TTBK2: variants seen among roughly 807,000 people sequenced by gnomAD.
TTBK2 encodes tau tubulin kinase 2.
In TTBK2, 28 loss-of-function variants were observed where a neutral mutation model predicts 110.8. The observed-to-expected ratio is 0.25, with a 90% CI of 0.19 to 0.35. The LOEUF (loss-of-function observed/expected upper bound fraction) is 0.35. TTBK2 is among the 10% of genes least tolerant of loss of function. The pLI is 1.00. For synonymous variants in TTBK2, 532 were observed against 527.3 expected, an observed-to-expected ratio of 1.01 and a Z score of -0.12; for missense variants, 1,369 against 1,500.3, an observed-to-expected ratio of 0.91 and a Z score of 1.45.
chr15:42,846,574 T>C lies in TTBK2; in HGVS notation c.218-6141A>G, dbSNP rs920389497. On this transcript the variant is annotated intron_variant, in intron 3 of 14. Coordinates refer to ENST00000267890, the MANE Select transcript of TTBK2 (RefSeq NM_173500.4). ...CACTGACAGGAACAACCAACTATAA[T>C]ATGAAATATATTTAGTCTCTGTCCC... Among the ~76,000 whole-genome samples the C allele has an allele frequency of 2.6e-5, 4 of 152,222 alleles. No individual in the cohort carries two copies. The South Asian group carries it at 6.2e-4, about 24-fold the overall frequency.
At chr15:42,892,942 C>T (rs1488851390) in intron 1 of TTBK2, among the ~76,000 whole-genome samples, 1 of 143,686 alleles carries the variant, frequency 7.0e-6, no homozygotes, top group Non-Finnish European at 1.5e-5. Flanking sequence ...ACCCGGGAGG[C>T]GGAGTATGCA....
intron 1 of TTBK2, among the ~76,000 whole-genome samples, chr15:42,897,171 C>G (rs1340875272): frequency 6.6e-6 from 1 of 152,130 alleles, no homozygotes; most frequent in Non-Finnish European, 1.5e-5. Context: ...GCCACTGCAC[C>G]TGGCCACTTT....
chr15:42,895,206 C>A (rs532973806), intron 1 of TTBK2, among the ~76,000 whole-genome samples: 1 of 152,184 alleles, frequency 6.6e-6, no homozygotes, highest in African/African-American at 2.4e-5. Context: ...TACCCAAAAT[C>A]TTTATTAAAA....
intron 14 of TTBK2, among the ~76,000 whole-genome samples, chr15:42,747,143 T>C (rs2061804169): frequency 6.6e-6 from 1 of 152,050 alleles, no homozygotes; most frequent in Admixed American, 6.6e-5. Flanking sequence ...CTAATTTTTA[T>C]ATTTTGTGTA....
chr15:42,795,491 T>G (rs1290409418), intron 9 of TTBK2, among the ~76,000 whole-genome samples: 4 of 152,134 alleles, frequency 2.6e-5, no homozygotes, highest in African/African-American at 9.7e-5. Flanking sequence ...AATTTTATGA[T>G]TATAGCTTTA....
intron 9 of TTBK2, chr15:42,795,008 TTC>T: frequency 9.1e-6 from 6 of 661,044 alleles, no homozygotes; most frequent in East Asian, 2.9e-5. Flanking sequence ...TGTAGAATGT[TTC>T]TGTTTTCGAG....
At chr15:42,764,847 C>G (rs891106503) in intron 13 of TTBK2, among the ~76,000 whole-genome samples, 3 of 152,264 alleles carry the variant, frequency 2.0e-5, no homozygotes, top group Non-Finnish European at 2.9e-5. Context: ...TGGGAGACAC[C>G]TCCCAGTAGG....
rs527437300 is a variant in TTBK2 at position 42,815,889 on chromosome 15, TAA to T, written c.603+1141_603+1142del. The stretch of plus-strand genomic sequence containing the variant: ...ATATATATTTAAATATATATATATT[TAA>T]AAATATATATATATATTTAAAAATA... On this transcript the variant is annotated intron_variant, in intron 7 of 14. Transcript: ENST00000267890. Among the ~76,000 whole-genome samples the T allele has an allele frequency of 6.2e-4, 63 of 100,896 alleles. No individual in the cohort carries two copies. In the South Asian group the frequency reaches 0.015, roughly 25 times the overall value. The allele number at this position is 100,896 out of a possible 152,430, so 66.2% of individuals were successfully genotyped here.
intron 1 of TTBK2, among the ~76,000 whole-genome samples, chr15:42,880,122 T>C (rs1407723407): frequency 1.3e-5 from 2 of 152,044 alleles, no homozygotes; most frequent in Non-Finnish European, 2.9e-5. Context: ...GTTTTACATA[T>C]GATTAAAAAA....
rs369085794 is a variant in TTBK2, at chr15:42,783,614, G to C, written c.1002C>G (p.Ile334Met). ...AAIGIANATP[I>M]PGDLLRENTD... ...TATTTTCTCGAAGCAAGTCTCCAGGGATGGGAGTAGCATTGGCAATTCTAC... is the reference window on the plus strand; with the variant it reads ...TATTTTCTCGAAGCAAGTCTCCAGGCATGGGAGTAGCATTGGCAATTCTAC... Residue 334 changes from isoleucine (I) to methionine (M), a missense_variant, in exon 11 of 15, where the codon ATC becomes ATG. Ile to Met is a conservative substitution (Grantham distance 10). Coordinates refer to ENST00000267890, the MANE Select transcript of TTBK2 (RefSeq NM_173500.4). The C allele has an allele frequency of 2.5e-6, 4 of 1,613,956 alleles. No individual in the cohort carries two copies. Among genetic ancestry groups the C allele is most frequent in the Non-Finnish European group, 3.4e-6 (4 of 1,180,008 alleles).
At chr15:42,887,932 G>T (rs1184501136) in intron 1 of TTBK2, among the ~76,000 whole-genome samples, 1 of 116,594 alleles carries the variant, frequency 8.6e-6, no homozygotes, top group South Asian at 2.7e-4. Context: ...GAAAACACAC[G>T]TGCTCTCCCG....
intron 3 of TTBK2, among the ~76,000 whole-genome samples, chr15:42,860,848 C>T (rs1010097164): frequency 6.6e-6 from 1 of 151,766 alleles, no homozygotes; most frequent in Non-Finnish European, 1.5e-5. Flanking sequence ...GGGGTTTCAC[C>T]ACGTTGGCCA....
At position 42,794,457 on chromosome 15, in the gene TTBK2, T is replaced by A. The variant is rs149078560; in HGVS notation, c.980+187A>T. ...TCTAAGCTCCCATTTCACAGTATAATCTATTAGTACTATCTAAAGCAAGTA... is the reference window on the plus strand; with the variant it reads ...TCTAAGCTCCCATTTCACAGTATAAACTATTAGTACTATCTAAAGCAAGTA... On this transcript the variant is annotated intron_variant, in intron 10 of 14. Coordinates refer to ENST00000267890, the MANE Select transcript of TTBK2 (RefSeq NM_173500.4). Among the ~76,000 whole-genome samples the A allele has an allele frequency of 5.4e-3, 829 of 152,300 alleles. 9 individuals are homozygous for A. Among genetic ancestry groups the A allele is most frequent in the African/African-American group, 0.019 (798 of 41,578 alleles).
chr15:42,897,509 T>C (rs1895712685), intron 1 of TTBK2, among the ~76,000 whole-genome samples: 1 of 150,498 alleles, frequency 6.6e-6, no homozygotes, highest in African/African-American at 2.4e-5. Flanking sequence ...TTAGACAGGG[T>C]GGGAAAAAGA....
At chr15:42,837,423 C>T (rs1893034822) in intron 4 of TTBK2, among the ~76,000 whole-genome samples, 2 of 150,568 alleles carry the variant, frequency 1.3e-5, no homozygotes, top group South Asian at 4.2e-4. Context: ...TTTGGGAGGC[C>T]GAGGTAGGTG....
chr15:42,750,073 G>C (rs1417914948), intron 14 of TTBK2, among the ~76,000 whole-genome samples: 1 of 152,074 alleles, frequency 6.6e-6, no homozygotes, highest in Non-Finnish European at 1.5e-5. Context: ...GTGACAGAGT[G>C]AGATCCTGTC....
Position 42,752,184 on chromosome 15 carries a change from G to A in TTBK2, c.3062C>T (p.Thr1021Ile). The A allele has an allele frequency of 6.2e-7, 1 of 1,614,226 alleles. No individual in the cohort carries two copies. Among genetic ancestry groups the A allele is most frequent in the Non-Finnish European group, 8.5e-7 (1 of 1,180,046 alleles). The change falls in exon 14 of 15, where the codon ACT becomes ATT. Residue 1021 changes from threonine to isoleucine, a missense_variant. By Grantham distance (89) the Thr-to-Ile change is moderately conservative (BLOSUM62 -1). This residue lies in a region of TTBK2 where 1,097 missense variants were observed against 1,114.7 expected (regional missense o/e 0.98). Transcript: ENST00000267890. ...ATCTACTGTCAGTCTTGAAAAGGGA[G>A]TGAGCACTTCCTCCTCACAAAAGGG... ...PAPFCEEEVL[T>I]PFSRLTVDSH...
intron 6 of TTBK2, among the ~76,000 whole-genome samples, chr15:42,818,200 C>A (rs918014012): frequency 2.0e-5 from 3 of 152,166 alleles, no homozygotes; most frequent in African/African-American, 7.2e-5. Flanking sequence ...CTCAGCCTCC[C>A]AAGTAGCTGG....
intron 13 of TTBK2, among the ~76,000 whole-genome samples, chr15:42,761,805 C>T (rs1261124569): frequency 6.6e-6 from 1 of 152,090 alleles, no homozygotes; most frequent in African/African-American, 2.4e-5. Context: ...CAAATGCTGG[C>T]AAGGATGCAG....
Sources: allele counts gnomAD v4.1 joint callset (sites outside exome capture counted in the v4.1 genomes callset), GRCh38; gene constraint gnomAD v4.1.1; regional missense constraint gnomAD v4.1.1; transcripts MANE v1.5; gene names NCBI Gene and HGNC (gene_info 2026-07-23, HGNC 2026-07-21).